Variants in GRK4 observed in about 807,000 individuals in gnomAD.
GRK4 encodes the protein G protein-coupled receptor kinase 2-like.
A neutral mutation model predicts 77.9 loss-of-function variants in GRK4; 73 were observed. The observed-to-expected ratio is 0.94, with a 90% confidence interval of 0.78 to 1.14. The LOEUF is 1.14. Ranked by LOEUF, GRK4 falls within the 50% of genes most tolerant of loss-of-function variation. GRK4 has a pLI of 0.00. For missense variants in GRK4, 729 were observed against 700.2 expected (o/e 1.04, Z -0.46); for synonymous variants, 257 against 254.4 (o/e 1.01, Z -0.10).
chr4:3,012,967 T>C (rs1733331070), intron 7 of GRK4, among the ~76,000 whole-genome samples: 1 of 151,526 alleles, frequency 6.6e-6, no homozygotes. Flanking sequence ...AATGGTGAAA[T>C]CCCGTCTTTA....
intron 12 of GRK4, among the ~76,000 whole-genome samples, chr4:3,033,264 C>A (rs777187260): frequency 1.3e-5 from 2 of 152,146 alleles, no homozygotes; most frequent in Non-Finnish European, 2.9e-5. Flanking sequence ...AAAGATGGAG[C>A]CTTCTCACTG....
chr4:2,967,611 C>A (rs1718107075), intron 1 of GRK4, among the ~76,000 whole-genome samples: 1 of 152,130 alleles, frequency 6.6e-6, no homozygotes, highest in Non-Finnish European at 1.5e-5. Flanking sequence ...GTTGGCCAGG[C>A]TAGTCTTGAA....
chr4:2,970,992 T>C (rs1224945988), intron 1 of GRK4: 1 of 152,180 alleles, frequency 6.6e-6, no homozygotes, highest in African/African-American at 2.4e-5. Flanking sequence ...TTGAGCTTTA[T>C]ATTTTGACCC....
intron 9 of GRK4, among the ~76,000 whole-genome samples, chr4:3,021,094 T>G (rs1189916819): frequency 6.6e-6 from 1 of 152,148 alleles, no homozygotes; most frequent in Non-Finnish European, 1.5e-5. Context: ...CTTGTCACCT[T>G]GTAAGCCTGG....
At chr4:3,009,786 G>T (rs776244902) in intron 7 of GRK4, 75 bp downstream of exon 7, 2 of 1,053,828 alleles carry the variant, frequency 1.9e-6, no homozygotes, top group Non-Finnish European at 3.0e-6. Flanking sequence ...ATGGCTTCAG[G>T]TAATGCATCA....
At chr4:2,988,587 A>G (rs113045189) in intron 2 of GRK4, 140 bp from the exon 3 acceptor site, 21 of 553,632 alleles carry the variant, frequency 3.8e-5, no homozygotes, top group East Asian at 9.1e-5. Flanking sequence ...AACAACAACA[A>G]CAACAACAAG....
chr4:2,996,718 C>CT (rs879462515), intron 4 of GRK4, among the ~76,000 whole-genome samples: 2,110 of 144,622 alleles, frequency 0.015, 41 homozygotes, highest in African/African-American at 0.048. Flanking sequence ...AGCTGGAAAG[C>CT]TTTTTTTTTT....
At chr4:3,038,835 A>G (rs1741576962) in intron 15 of GRK4, 1 of 205,694 alleles carries the variant, frequency 4.9e-6, no homozygotes, top group Non-Finnish European at 8.4e-6. Flanking sequence ...CCTTCGTCAG[A>G]TGGCACTCAC....
chr4:3,017,431 C>A (rs1183725096), intron 8 of GRK4, among the ~76,000 whole-genome samples: 1 of 152,194 alleles, frequency 6.6e-6, no homozygotes, highest in African/African-American at 2.4e-5. Flanking sequence ...GCCATGCTCA[C>A]CACTGCATCC....
rs181124197 is a variant in GRK4 at position 3,028,543 on chromosome 4, G to A, written c.1060+542G>A. ...GCCCTGGGCATGGCTCTGTGTGTCTGGAGGGAGCCCCTTCAGGAGGTGGAG... is the reference window on the plus strand; with the variant it reads ...GCCCTGGGCATGGCTCTGTGTGTCTAGAGGGAGCCCCTTCAGGAGGTGGAG... On this transcript the variant is annotated intron_variant, in intron 11 of 15. Transcript: ENST00000398052. Among the ~76,000 whole-genome samples, 168 of 152,316 alleles carry A rather than the reference G, an allele frequency of 1.1e-3. 1 individual carries two copies. The highest frequency in any genetic ancestry group is 3.8e-4 in the Non-Finnish European group (26 of 68,018).
chr4:2,966,815 G>T (rs1162993025), intron 1 of GRK4: 1 of 152,154 alleles, frequency 6.6e-6, no homozygotes, highest in Admixed American at 6.5e-5. Flanking sequence ...CCTGAGAAGC[G>T]CAATGTTGAT....
intron 4 of GRK4, 38 bp downstream of exon 4, chr4:2,992,330 ATAAT>A: frequency 1.5e-6 from 2 of 1,334,574 alleles, no homozygotes; most frequent in Non-Finnish European, 2.2e-6. Flanking sequence ...TTGTAGATAA[ATAAT>A]TAGAGTGCAT....
At chr4:3,010,270 A>C (rs1732518650) in intron 7 of GRK4, among the ~76,000 whole-genome samples, 1 of 151,974 alleles carries the variant, frequency 6.6e-6, no homozygotes, top group Admixed American at 6.6e-5. Flanking sequence ...CTTGTTGCCT[A>C]GACTGGAGTG....
At chr4:3,011,388 C>T (rs943702053) in intron 7 of GRK4, among the ~76,000 whole-genome samples, 69 of 152,196 alleles carry the variant, frequency 4.5e-4, no homozygotes, top group African/African-American at 1.5e-3. Context: ...CCAGATCAGC[C>T]TAGGCAACAT....
chr4:2,980,637 T>G (rs1025665668), intron 1 of GRK4, among the ~76,000 whole-genome samples: 6 of 152,036 alleles, frequency 3.9e-5, no homozygotes, highest in Non-Finnish European at 8.8e-5. Flanking sequence ...CCTGACAGGC[T>G]AGTCCTGGGT....
In GRK4 at chr4:3,029,361, G is replaced by A. The variant is rs1380220295; in HGVS notation, c.1221G>A (p.Glu407=). Residue 407 remains glutamate, a synonymous_variant, in exon 12 of 16, where the codon GAG becomes GAA. Coordinates refer to ENST00000398052, the MANE Select transcript of GRK4 (RefSeq NM_182982.3). ...ATCAAAGAATCAAGAATGATACCGA[G>A]GAGTATTCTGAGAAGTTTTCAGAGG... The part of the protein sequence containing the change: ...EVDQRIKNDT[E]EYSEKFSEDA... 5 of 1,614,072 alleles carry A rather than the reference G, an allele frequency of 3.1e-6. No homozygotes were observed. The highest frequency in any genetic ancestry group is 4.2e-6 in the Non-Finnish European group (5 of 1,180,038).
chr4:2,973,536 C>T (rs1263314), intron 1 of GRK4, among the ~76,000 whole-genome samples: 124 of 152,296 alleles, frequency 8.1e-4, no homozygotes, highest in Non-Finnish European at 1.1e-3. Context: ...CCCAGCACCC[C>T]GATGTTTCCA....
chr4:3,022,374 A>G (rs1560477395), intron 9 of GRK4, 40 bp from the exon 10 acceptor site: 2 of 1,605,406 alleles, frequency 1.2e-6, no homozygotes, highest in Admixed American at 1.7e-5. Flanking sequence ...CACAGTGCCA[A>G]CTTCTGAATA....
chr4:3,015,345 G>A (rs1316786653), intron 8 of GRK4, among the ~76,000 whole-genome samples: 1 of 152,148 alleles, frequency 6.6e-6, no homozygotes, highest in East Asian at 1.9e-4. Context: ...TTGTGCAGGG[G>A]GACAAATGTT....
Sources: gnomAD v4.1 joint callset for allele counts (sites outside exome capture counted in the v4.1 genomes callset) on GRCh38, gnomAD v4.1.1 for gene constraint, MANE v1.5 for transcripts, NCBI Gene and HGNC (gene_info 2026-07-23, HGNC 2026-07-21) for gene names.